Variants in APLP2 observed in about 807,000 individuals in gnomAD.
The protein encoded by APLP2 is CDEI box-binding protein.
In APLP2, 53 loss-of-function variants were observed where a neutral mutation model predicts 89.9. The ratio of observed to expected loss-of-function variants is 0.59; its 90% CI spans 0.47 to 0.74. The LOEUF (loss-of-function observed/expected upper bound fraction) is 0.74, where lower values mean the gene tolerates loss of function less well. Ranked by LOEUF, APLP2 falls within the 30% of genes least tolerant of loss-of-function variation. The pLI is 0.00. For missense variants in APLP2, 973 were observed against 975.9 expected (o/e 1.00, Z 0.04); for synonymous variants, 372 against 348.6 (o/e 1.07, Z -0.75).
chr11:130,117,532 G>T (rs1269458088), intron 3 of APLP2, among the ~76,000 whole-genome samples: 1 of 151,972 alleles, frequency 6.6e-6, no homozygotes, highest in Non-Finnish European at 1.5e-5. Flanking sequence ...AGCCTCCTGA[G>T]TAGCTGGAAT....
At chr11:130,137,071 T>C (rs548539682) in intron 13 of APLP2, among the ~76,000 whole-genome samples, 21 of 152,184 alleles carry the variant, frequency 1.4e-4, no homozygotes, top group Non-Finnish European at 2.8e-4. Flanking sequence ...CCTCCAGTGA[T>C]TTGCTGTGGC....
intron 1 of APLP2, chr11:130,102,123 T>C: frequency 3.2e-6 from 1 of 316,130 alleles, no homozygotes; most frequent in Non-Finnish European, 6.2e-6. Context: ...TTCGTTCAGT[T>C]TAGTAAATCT....
rs11221956 is a variant in APLP2, at chr11:130,100,311, C to G, written c.106-9118C>G. ...AGAGTAATGGTTGGCCGAGGCCAGTCCCTAGTGTCTCCATACCCCCTGGAA... is the reference window on the plus strand; with the variant it reads ...AGAGTAATGGTTGGCCGAGGCCAGTGCCTAGTGTCTCCATACCCCCTGGAA... On this transcript the variant is annotated intron_variant, in intron 1 of 16. Transcript: ENST00000338167. 36 of 152,210 alleles carry G rather than the reference C, an allele frequency of 2.4e-4. No individual in the cohort carries two copies. In the East Asian group the frequency reaches 6.6e-3, roughly 28 times the overall value. 9.4% of individuals were successfully genotyped at this position (152,210 alleles called of 1,614,324 possible).
chr11:130,126,278 A>G (rs1187537562), intron 7 of APLP2, among the ~76,000 whole-genome samples: 3 of 152,236 alleles, frequency 2.0e-5, no homozygotes, highest in Non-Finnish European at 4.4e-5. Context: ...TTCTTTAAAA[A>G]TAAGGAATTG....
At chr11:130,092,652 A>AT (rs1467388720) in intron 1 of APLP2, among the ~76,000 whole-genome samples, 3 of 121,446 alleles carry the variant, frequency 2.5e-5, no homozygotes, top group Admixed American at 9.4e-5. Flanking sequence ...GTGAGCCGAG[A>AT]TGGCAGCAGT....
At chr11:130,082,928 G>A (rs1445752612) in intron 1 of APLP2, 1 of 151,476 alleles carries the variant, frequency 6.6e-6, no homozygotes, top group African/African-American at 2.4e-5. Flanking sequence ...CAAGACATAA[G>A]CATTTTCTAA....
At chr11:130,078,578 A>AG (rs1419087022) in intron 1 of APLP2, among the ~76,000 whole-genome samples, 1 of 151,882 alleles carries the variant, frequency 6.6e-6, no homozygotes, top group African/African-American at 2.4e-5. Flanking sequence ...CTATATTGTC[A>AG]ATGGGGAACT....
chr11:130,118,299 T>G (rs189438926), intron 3 of APLP2, among the ~76,000 whole-genome samples: 3 of 152,220 alleles, frequency 2.0e-5, no homozygotes, highest in African/African-American at 7.2e-5. Context: ...ACATCAATAG[T>G]GCCTACCAGG....
chr11:130,075,672 G>A (rs1052039038), intron 1 of APLP2, among the ~76,000 whole-genome samples: 2 of 152,144 alleles, frequency 1.3e-5, no homozygotes, highest in Admixed American at 1.3e-4. Flanking sequence ...TAACAGTCTC[G>A]TGAATTTGGT....
intron 1 of APLP2, among the ~76,000 whole-genome samples, chr11:130,095,304 T>G (rs1413839078): frequency 6.6e-6 from 1 of 152,158 alleles, no homozygotes; most frequent in Non-Finnish European, 1.5e-5. Context: ...TGCAGGAGTT[T>G]GAGACTGCAG....
chr11:130,126,734 T>G lies in APLP2; in HGVS notation c.1125T>G (p.Asp375Glu). 1 of 1,614,156 alleles carries G rather than the reference T, an allele frequency of 6.2e-7. No homozygotes were observed. Among genetic ancestry groups the G allele is most frequent in the Non-Finnish European group, 8.5e-7 (1 of 1,180,012 alleles). ...CTCCTCTGCCAACCAATGATGTTGA[T>G]GTGTATTTCGAGACCTCTGCAGATG... ...PPTPLPTNDVDVYFETSADDN... is the reference protein window; with the variant it reads ...PPTPLPTNDVEVYFETSADDN... The change falls in exon 8 of 17, where the codon GAT becomes GAG. Residue 375 changes from aspartate (D) to glutamate (E), a missense_variant. Coordinates refer to ENST00000338167, the MANE Select transcript of APLP2 (RefSeq NM_001142276.2).
rs762168000 is a variant in APLP2, at chr11:130,141,944, A to G, written c.2024A>G (p.Asp675Gly). Residue 675 changes from aspartate to glycine, a missense_variant, in exon 16 of 17, where the codon GAC (aspartate) becomes GGC (glycine). Asp to Gly is a moderately conservative substitution (Grantham distance 94). Coordinates refer to ENST00000338167, the MANE Select transcript of APLP2 (RefSeq NM_001142276.2). The surrounding 1 kb of genome is among the most constrained non-coding windows in gnomAD (Gnocchi z 4.2). ...GAATCCGTGGGCCCACTGCGGGAGG[A>G]CTTCAGTCTGAGTAGCAGTGCTCTC... Reference protein sequence around the residue: ...ERESVGPLREDFSLSSSALIG... With the variant: ...ERESVGPLREGFSLSSSALIG... The G allele has an allele frequency of 1.2e-6, 2 of 1,610,714 alleles. No individual in the cohort carries two copies. Among genetic ancestry groups the G allele is most frequent in the Non-Finnish European group, 1.7e-6 (2 of 1,177,362 alleles).
At chr11:130,073,036 TTTAAC>T (rs1429770139) in intron 1 of APLP2, among the ~76,000 whole-genome samples, 1 of 152,350 alleles carries the variant, frequency 6.6e-6, no homozygotes, top group Non-Finnish European at 1.5e-5. Context: ...TTGGAAAACT[TTTAAC>T]TGAAATAATT....
At chr11:130,094,424 A>G (rs1945914023) in intron 1 of APLP2, among the ~76,000 whole-genome samples, 2 of 151,380 alleles carry the variant, frequency 1.3e-5, no homozygotes, top group Middle Eastern at 3.4e-3. Flanking sequence ...CTTGACCTCA[A>G]ATGATCCACT....
intron 4 of APLP2, 154 bp downstream of exon 4, chr11:130,120,972 A>G: frequency 1.5e-6 from 1 of 646,998 alleles, no homozygotes; most frequent in Non-Finnish European, 2.8e-6. Flanking sequence ...AGTTAGAAAT[A>G]TTTGGGAGAG....
chr11:130,120,974 T>C (rs150829462), intron 4 of APLP2, among the ~76,000 whole-genome samples, 156 bp downstream of exon 4: 2,197 of 152,266 alleles, frequency 0.014, 23 homozygotes, highest in Non-Finnish European at 0.016. Flanking sequence ...TTAGAAATAT[T>C]TGGGAGAGAA....
intron 11 of APLP2, among the ~76,000 whole-genome samples, chr11:130,131,250 C>G (rs57107195): frequency 1.3e-4 from 19 of 151,840 alleles, no homozygotes; most frequent in Non-Finnish European, 2.4e-4. Context: ...AGGTGCCCAC[C>G]ACAGTACCTG....
chr11:130,070,675 G>A (rs1313029519), intron 1 of APLP2: 4 of 1,478,342 alleles, frequency 2.7e-6, no homozygotes, highest in East Asian at 5.9e-5. Flanking sequence ...GCCGCCTGGG[G>A]CCGGGTCGCG....
At position 130,123,649 on chromosome 11, in the gene APLP2, GGCCGTGAT is replaced by G; in HGVS notation, c.964_971del (p.Val322SerfsTer27). Reference sequence around the variant, plus strand: ...AGGAGGCGATGACGGGGCCCTGCCGGGCCGTGATGCCTCGTTGGTACTTCGACCTCTCC... The same window carrying G: ...AGGAGGCGATGACGGGGCCCTGCCGGGCCTCGTTGGTACTTCGACCTCTCC... On this transcript the variant is annotated frameshift_variant, in exon 7 of 17. Transcript: ENST00000338167. LOFTEE classifies it high-confidence loss of function. The surrounding 1 kb of genome is among the most constrained non-coding windows in gnomAD (Gnocchi z 4.0). 6.2e-7 allele frequency: 1 copy of G among 1,614,254 alleles called. No individual in the cohort carries two copies. The highest frequency in any genetic ancestry group is 8.5e-7 in the Non-Finnish European group (1 of 1,180,044).
Sources: gnomAD v4.1 joint callset for allele counts (sites outside exome capture counted in the v4.1 genomes callset) on GRCh38, gnomAD v4.1.1 for gene constraint, Gnocchi (gnomAD v3.1) non-coding constraint, MANE v1.5 for transcripts, NCBI Gene and HGNC (gene_info 2026-07-23, HGNC 2026-07-21) for gene names.